The following SCN1A variants were observed in gnomAD, a reference collection of about 807,000 sequenced individuals.
SCN1A encodes the protein sodium channel protein type 1 subunit alpha.
Under a neutral mutation model 193.7 loss-of-function variants are expected in SCN1A, and 13 were observed. The observed-to-expected ratio is 0.07, with a 90% CI of 0.04 to 0.11. The LOEUF is 0.11. SCN1A is among the 10% of genes least tolerant of loss of function. SCN1A has a pLI of 1.00. For synonymous variants in SCN1A, 781 were observed against 843.6 expected, an observed-to-expected ratio of 0.93 and a Z score of 1.29; for missense variants, 1,432 against 2,451.1, an observed-to-expected ratio of 0.58 and a Z score of 8.78.
chr2:166,013,093 G>T (rs1187467142), intron 21 of SCN1A, among the ~76,000 whole-genome samples: 2 of 151,208 alleles, frequency 1.3e-5, no homozygotes, highest in African/African-American at 4.8e-5. Flanking sequence ...CTTTGTGTTA[G>T]TGTTTCCCTA....
intron 16 of SCN1A, 85 bp from the exon 17 acceptor site, chr2:166,039,681 C>T (rs1574194198): frequency 8.3e-7 from 1 of 1,205,000 alleles, no homozygotes; most frequent in Non-Finnish European, 1.2e-6. Flanking sequence ...AATGCTTATG[C>T]TATTTTCCCA....
intron 1 of SCN1A, among the ~76,000 whole-genome samples, chr2:166,141,452 G>A (rs1692080622): frequency 6.6e-6 from 1 of 152,018 alleles, no homozygotes; most frequent in Non-Finnish European, 1.5e-5. Flanking sequence ...AACAATTTGG[G>A]AGGCTGAGGT....
intron 27 of SCN1A, 150 bp from the exon 28 acceptor site, chr2:165,994,566 G>A: frequency 1.5e-6 from 1 of 670,424 alleles, no homozygotes; most frequent in East Asian, 2.7e-5. Flanking sequence ...CATATTAATT[G>A]TTAAAATTTA....
chr2:166,009,555 C>T, intron 23 of SCN1A, 164 bp downstream of exon 23: 1 of 512,330 alleles, frequency 2.0e-6, no homozygotes, highest in Non-Finnish European at 3.4e-6. Flanking sequence ...GCCTATTTCT[C>T]TTGCATATCA....
chr2:166,093,252 G>A (rs1574462169), intron 2 of SCN1A, among the ~76,000 whole-genome samples: 1 of 151,788 alleles, frequency 6.6e-6, no homozygotes, highest in Non-Finnish European at 1.5e-5. Context: ...TGTAGGCTGT[G>A]TTGATATGTT....
chr2:166,085,838 G>A (rs1405638166), intron 2 of SCN1A, among the ~76,000 whole-genome samples: 1 of 152,034 alleles, frequency 6.6e-6, no homozygotes, highest in Non-Finnish European at 1.5e-5. Context: ...CTAAGCAAAG[G>A]CATATTATCT....
intron 1 of SCN1A, among the ~76,000 whole-genome samples, chr2:166,146,614 T>G (rs1692333137): frequency 6.6e-6 from 1 of 152,166 alleles, no homozygotes; most frequent in Non-Finnish European, 1.5e-5. Flanking sequence ...GCGAAGAATA[T>G]CTGACCCAAA....
At chr2:166,091,492 G>A (rs1478891835) in intron 2 of SCN1A, among the ~76,000 whole-genome samples, 25 of 152,128 alleles carry the variant, frequency 1.6e-4, no homozygotes, top group Admixed American at 1.6e-3. Flanking sequence ...TCAGTTTGAG[G>A]TTCATTTTGA....
chr2:166,139,747 T>C (rs559965056), intron 1 of SCN1A, among the ~76,000 whole-genome samples: 1 of 152,088 alleles, frequency 6.6e-6, no homozygotes, highest in Non-Finnish European at 1.5e-5. Context: ...TAAAACCATC[T>C]CGTGAGACTT....
At chr2:166,098,263 A>G (rs1016940904) in intron 2 of SCN1A, among the ~76,000 whole-genome samples, 1 of 152,200 alleles carries the variant, frequency 6.6e-6, no homozygotes, top group African/African-American at 2.4e-5. Context: ...AACTAAAAAC[A>G]AAAAACCACA....
intron 2 of SCN1A, among the ~76,000 whole-genome samples, chr2:166,108,614 T>TA (rs1688954009): frequency 6.6e-6 from 1 of 151,980 alleles, no homozygotes. Context: ...TATAAGGGAG[T>TA]ATGATTGGTC....
chr2:166,117,627 G>A (rs1373832303), intron 2 of SCN1A, among the ~76,000 whole-genome samples: 1 of 152,178 alleles, frequency 6.6e-6, no homozygotes, highest in Admixed American at 6.5e-5. Flanking sequence ...TGGACCTGAT[G>A]AATCATTTAA....
chr2:166,083,497 A>G (rs1016681960), intron 2 of SCN1A, among the ~76,000 whole-genome samples: 15 of 152,004 alleles, frequency 9.9e-5, no homozygotes, highest in African/African-American at 3.4e-4. Flanking sequence ...TACAATACAT[A>G]GTTTTTGCCT....
In SCN1A at chr2:166,142,151, T is replaced by C. The variant is rs868839858; in HGVS notation, c.-50+6896A>G. ...TGGAAGTGGCTAGAGTCTGGAGAGG[T>C]AGGCAGACAGCCAGATCAGAAGGGC... On this transcript the variant is annotated intron_variant, in intron 1 of 26. Coordinates refer to the SCN1A transcript ENST00000635750. 4.6e-5 allele frequency among the ~76,000 whole-genome samples: 7 copies of C among 152,164 alleles called. No individual in the cohort carries two copies. In the South Asian group the frequency reaches 1.0e-3, roughly 23 times the overall value.
intron 1 of SCN1A, among the ~76,000 whole-genome samples, chr2:166,136,660 A>C (rs189685293): frequency 1.1e-3 from 164 of 152,314 alleles, no homozygotes; most frequent in African/African-American, 3.8e-3. Flanking sequence ...TGGTACATTC[A>C]AAATGGTTAA....
At chr2:166,012,792 AACAG>A (rs146302339) in intron 21 of SCN1A, among the ~76,000 whole-genome samples, 21,170 of 150,406 alleles carry the variant, frequency 0.14, 1,770 homozygotes, top group Non-Finnish European at 0.19. Flanking sequence ...TATGTTTCTC[AACAG>A]ACATACAGTG....
chr2:166,114,519 G>T (rs1015332834), intron 2 of SCN1A, among the ~76,000 whole-genome samples: 3 of 152,160 alleles, frequency 2.0e-5, no homozygotes, highest in Middle Eastern at 3.2e-3. Context: ...TGTGTGTACT[G>T]CATGGACTTT....
At chr2:166,003,155 A>C (rs1379442998) in intron 23 of SCN1A, among the ~76,000 whole-genome samples, 1 of 151,560 alleles carries the variant, frequency 6.6e-6, no homozygotes, top group African/African-American at 2.4e-5. Context: ...AACAAAACTA[A>C]AACATTTGGA....
Position 165,994,237 on chromosome 2 carries a change from C to T in SCN1A, c.4761G>A (p.Glu1587=), listed in dbSNP as rs754092465. Residue 1587 remains glutamate, a synonymous_variant, in exon 28 of 29, where the codon GAG becomes GAA. Coordinates refer to ENST00000674923, the MANE Select transcript of SCN1A (RefSeq NM_001165963.4). Reference sequence around the variant, plus strand: ...GTAGAGAGATGAGTTTCAGTACACACTCTCCAGTAAATAGCACAATGAACA... The same window carrying T: ...GTAGAGAGATGAGTTTCAGTACACATTCTCCAGTAAATAGCACAATGAACA... ...NLVFIVLFTG[E]CVLKLISLRH... 6.2e-7 allele frequency: 1 copy of T among 1,613,118 alleles called. No homozygotes were observed. Among genetic ancestry groups the T allele is most frequent in the Non-Finnish European group, 8.5e-7 (1 of 1,179,452 alleles).
Sources: gnomAD v4.1 joint callset for allele counts (sites outside exome capture counted in the v4.1 genomes callset) on GRCh38, gnomAD v4.1.1 for gene constraint, MANE v1.5 for transcripts, NCBI Gene and HGNC (gene_info 2026-07-23, HGNC 2026-07-21) for gene names.